Variants in SLC8A1 observed in about 807,000 individuals in gnomAD.
The protein encoded by SLC8A1 is solute carrier family 8 member A1.
SLC8A1 carries 18 observed loss-of-function variants against 68.3 expected under a neutral mutation model. The ratio of observed to expected loss-of-function variants is 0.26; its 90% CI spans 0.18 to 0.39. SLC8A1 has a LOEUF of 0.39. Ranked by LOEUF, SLC8A1 falls within the 10% of genes least tolerant of loss-of-function variation. SLC8A1 has a pLI of 1.00. For synonymous variants in SLC8A1, 475 were observed against 415.5 expected, an observed-to-expected ratio of 1.14 and a Z score of -1.74; for missense variants, 985 against 1,156.7, an observed-to-expected ratio of 0.85 and a Z score of 2.15.
At chr2:40,492,264 A>G (rs1169773789) in intron 1 of SLC8A1, among the ~76,000 whole-genome samples, 2 of 151,954 alleles carry the variant, frequency 1.3e-5, no homozygotes. Flanking sequence ...TATTTTATAA[A>G]TCGTGCTGGG....
chr2:40,474,471 C>T (rs1704166091), intron 1 of SLC8A1, among the ~76,000 whole-genome samples: 1 of 152,164 alleles, frequency 6.6e-6, no homozygotes, highest in African/African-American at 2.4e-5. Context: ...CACCTCACTA[C>T]TTCCTAAGGT....
chr2:40,435,788 T>C (rs1699282906), intron 1 of SLC8A1, among the ~76,000 whole-genome samples: 1 of 152,154 alleles, frequency 6.6e-6, no homozygotes, highest in Admixed American at 6.5e-5. Context: ...TTTGTTTTTG[T>C]TTTTGAGACA....
chr2:40,430,005 G>A, exon 2 of SLC8A1: 2 of 1,613,844 alleles, frequency 1.2e-6, no homozygotes, highest in Non-Finnish European at 1.7e-6. Context: ...CTATGATAGA[G>A]ACTCCAAGAA....
At chr2:40,311,608 G>A (rs1008489660) in intron 2 of SLC8A1, among the ~76,000 whole-genome samples, 1 of 151,966 alleles carries the variant, frequency 6.6e-6, no homozygotes, top group East Asian at 1.9e-4. Flanking sequence ...TATATACAAA[G>A]AATATATCTG....
At chr2:40,198,680 G>C (rs1224099060) in intron 2 of SLC8A1, among the ~76,000 whole-genome samples, 1 of 151,910 alleles carries the variant, frequency 6.6e-6, no homozygotes. Context: ...ATTATCTTCA[G>C]TTGTTTGGAA....
chr2:40,121,842 C>A (rs774325332), intron 7 of SLC8A1, among the ~76,000 whole-genome samples: 2 of 152,038 alleles, frequency 1.3e-5, no homozygotes, highest in East Asian at 1.9e-4. Flanking sequence ...TTTGACAATC[C>A]TTTGCATTTA....
intron 2 of SLC8A1, chr2:40,189,737 C>T (rs1008193145): frequency 1.3e-5 from 2 of 152,144 alleles, no homozygotes; most frequent in African/African-American, 4.8e-5. Context: ...TTTGTTTTAG[C>T]TTTTAATGAA....
intron 2 of SLC8A1, among the ~76,000 whole-genome samples, chr2:40,192,571 A>C (rs2052084951): frequency 6.6e-6 from 1 of 152,128 alleles, no homozygotes; most frequent in Non-Finnish European, 1.5e-5. Context: ...AAAGCTTTGC[A>C]GGGCATCTCA....
intron 2 of SLC8A1, among the ~76,000 whole-genome samples, chr2:40,273,089 C>T (rs368924795): frequency 2.7e-4 from 41 of 152,136 alleles, no homozygotes; most frequent in Non-Finnish European, 4.9e-4. Context: ...ATTACAGGCG[C>T]GCGCCACCAA....
chr2:40,404,878 T>C (rs560406959), intron 2 of SLC8A1, among the ~76,000 whole-genome samples: 1 of 152,176 alleles, frequency 6.6e-6, no homozygotes, highest in Non-Finnish European at 1.5e-5. Context: ...ACAAGCTACA[T>C]ACAAGCAATT....
chr2:40,272,036 T>C (rs1250084617), intron 2 of SLC8A1, among the ~76,000 whole-genome samples: 1 of 151,990 alleles, frequency 6.6e-6, no homozygotes, highest in East Asian at 1.9e-4. Flanking sequence ...CTGGCTATTT[T>C]TTTGGTATTA....
At chr2:40,485,753 A>G (rs1400053966) in intron 1 of SLC8A1, among the ~76,000 whole-genome samples, 1 of 152,196 alleles carries the variant, frequency 6.6e-6, no homozygotes, top group East Asian at 1.9e-4. Flanking sequence ...CTTTAGTAAC[A>G]AGAAACTTCA....
At chr2:40,221,597 T>C (rs1451708856) in intron 2 of SLC8A1, among the ~76,000 whole-genome samples, 3 of 152,220 alleles carry the variant, frequency 2.0e-5, no homozygotes, top group African/African-American at 7.2e-5. Flanking sequence ...AATTTGTCTC[T>C]GTTTGCAGAT....
At chr2:40,213,806 A>C (rs2057013477) in intron 2 of SLC8A1, among the ~76,000 whole-genome samples, 1 of 152,218 alleles carries the variant, frequency 6.6e-6, no homozygotes, top group African/African-American at 2.4e-5. Context: ...CTTCTGGCAG[A>C]AGCGCTGGGG....
chr2:40,128,805 GA>G (rs1325852106), intron 7 of SLC8A1, among the ~76,000 whole-genome samples: 2 of 152,180 alleles, frequency 1.3e-5, no homozygotes, highest in African/African-American at 4.8e-5. Context: ...TATAGAGAGA[GA>G]TTCTGTGATG....
At chr2:40,505,949 A>G (rs1433139788) in intron 1 of SLC8A1, among the ~76,000 whole-genome samples, 1 of 151,922 alleles carries the variant, frequency 6.6e-6, no homozygotes, top group African/African-American at 2.4e-5. Flanking sequence ...GAGCACACCA[A>G]ATCAATTACT....
intron 1 of SLC8A1, among the ~76,000 whole-genome samples, chr2:40,499,211 C>G (rs1371221811): frequency 6.6e-6 from 1 of 152,014 alleles, no homozygotes; most frequent in African/African-American, 2.4e-5. Flanking sequence ...CATCTCTGTG[C>G]TGCGTTTGCT....
chr2:40,383,302 GAT>G (rs1264674803), intron 2 of SLC8A1, among the ~76,000 whole-genome samples: 1 of 151,976 alleles, frequency 6.6e-6, no homozygotes, highest in East Asian at 1.9e-4. Flanking sequence ...GAACAAATTT[GAT>G]ATATGTTTTT....
intron 2 of SLC8A1, among the ~76,000 whole-genome samples, chr2:40,358,737 G>T (rs1234628457): frequency 2.0e-5 from 3 of 152,164 alleles, no homozygotes; most frequent in Non-Finnish European, 4.4e-5. Context: ...AGTTTGAGAA[G>T]AAACAGGCAA....
Sources: gnomAD v4.1 joint callset for allele counts (sites outside exome capture counted in the v4.1 genomes callset) on GRCh38, gnomAD v4.1.1 for gene constraint, MANE v1.5 for transcripts, NCBI Gene and HGNC (gene_info 2026-07-23, HGNC 2026-07-21) for gene names.